RSRC1: variants seen among roughly 807,000 people sequenced by gnomAD.
The protein encoded by RSRC1 is arginine and serine rich coiled-coil 1, also known as serine/Arginine-related protein 53.
A neutral mutation model predicts 49.1 loss-of-function variants in RSRC1; 39 were observed. The observed-to-expected ratio is 0.79, with a 90% CI of 0.61 to 1.04. The LOEUF (loss-of-function observed/expected upper bound fraction) is 1.04. Ranked by LOEUF, RSRC1 falls within the 50% of genes least tolerant of loss-of-function variation. The probability of loss-of-function intolerance (pLI) is 0.00; values close to 1 mark genes in which losing one functional copy is unlikely to be tolerated. For synonymous variants in RSRC1, 143 were observed against 130.8 expected (o/e 1.09, Z -0.63); for missense variants, 388 against 402.4 (o/e 0.96, Z 0.31).
At chr3:158,275,754 G>A in intron 4 of RSRC1, 1 of 455,340 alleles carries the variant, frequency 2.2e-6, no homozygotes. Context: ...CCTGTAAGCA[G>A]ACATGACTGC....
intron 7 of RSRC1, among the ~76,000 whole-genome samples, chr3:158,510,793 A>G (rs949133679): frequency 2.0e-5 from 3 of 152,170 alleles, no homozygotes; most frequent in Admixed American, 1.3e-4. Context: ...CTTCATATCT[A>G]GTAAGACAAA....
intron 6 of RSRC1, among the ~76,000 whole-genome samples, chr3:158,387,662 A>G (rs1034060098): frequency 2.0e-5 from 3 of 152,164 alleles, no homozygotes; most frequent in Admixed American, 6.5e-5. Flanking sequence ...AATCCTTACA[A>G]GTATTGGTAT....
At chr3:158,525,131 G>A (rs576647445) in intron 7 of RSRC1, among the ~76,000 whole-genome samples, 1 of 151,840 alleles carries the variant, frequency 6.6e-6, no homozygotes, top group Non-Finnish European at 1.5e-5. Context: ...AAACAAAAAG[G>A]CAAGTCATAG....
At chr3:158,400,448 A>G (rs1469101737) in intron 6 of RSRC1, among the ~76,000 whole-genome samples, 5 of 152,106 alleles carry the variant, frequency 3.3e-5, no homozygotes, top group African/African-American at 4.8e-5. Flanking sequence ...AAGTAGCCTC[A>G]GGCAGGTTCT....
intron 6 of RSRC1, among the ~76,000 whole-genome samples, chr3:158,362,874 G>A (rs1291483906): frequency 6.6e-6 from 1 of 152,146 alleles, no homozygotes; most frequent in Admixed American, 6.5e-5. Flanking sequence ...AGTATGAGAA[G>A]ACAATACCTG....
intron 7 of RSRC1, among the ~76,000 whole-genome samples, chr3:158,523,623 CATT>C (rs1711831388): frequency 6.6e-6 from 1 of 151,948 alleles, no homozygotes; most frequent in South Asian, 2.1e-4. Flanking sequence ...GTCTTTTTTA[CATT>C]ATTAACTGAA....
intron 7 of RSRC1, among the ~76,000 whole-genome samples, chr3:158,494,988 GT>G (rs1210084513): frequency 6.6e-6 from 1 of 152,172 alleles, no homozygotes. Context: ...CAAGTATTAT[GT>G]GCTCTACATA....
At chr3:158,523,354 AAAGTT>A (rs1303228838) in intron 7 of RSRC1, among the ~76,000 whole-genome samples, 3 of 152,114 alleles carry the variant, frequency 2.0e-5, no homozygotes, top group Non-Finnish European at 4.4e-5. Context: ...TTTAAAAAGA[AAAGTT>A]AGATGTCTAT....
chr3:158,291,739 T>C (rs925382000), intron 4 of RSRC1, among the ~76,000 whole-genome samples: 2 of 152,222 alleles, frequency 1.3e-5, no homozygotes. Context: ...TGTGGCTCCT[T>C]AACCCGATTC....
At chr3:158,478,234 G>GT (rs200538118) in intron 7 of RSRC1, among the ~76,000 whole-genome samples, 40 of 149,502 alleles carry the variant, frequency 2.7e-4, no homozygotes, top group African/African-American at 6.1e-4. Flanking sequence ...AGGTTTTGGG[G>GT]TTTTTTTTTC....
chr3:158,143,321 C>G (rs1716866438), intron 3 of RSRC1, among the ~76,000 whole-genome samples: 4 of 152,096 alleles, frequency 2.6e-5, no homozygotes, highest in Admixed American at 2.6e-4. Context: ...GGCCTTTCCA[C>G]TTTTAAAGAA....
intron 7 of RSRC1, among the ~76,000 whole-genome samples, chr3:158,475,888 T>C (rs114880958): frequency 0.013 from 2,044 of 152,188 alleles, 58 homozygotes; most frequent in African/African-American, 0.047. Context: ...GTGACTAAGC[T>C]TAGTGAGGAA....
intron 6 of RSRC1, among the ~76,000 whole-genome samples, chr3:158,384,509 G>C (rs1732863858): frequency 6.6e-6 from 1 of 152,114 alleles, no homozygotes; most frequent in South Asian, 2.1e-4. Context: ...TAATCAGATA[G>C]ATTAATGAAT....
At chr3:158,323,234 GT>G (rs1728863765) in intron 5 of RSRC1, among the ~76,000 whole-genome samples, 1 of 152,070 alleles carries the variant, frequency 6.6e-6, no homozygotes, top group Non-Finnish European at 1.5e-5. Context: ...ATCTGCTGAT[GT>G]TTCAGCTTGG....
At chr3:158,411,493 A>G (rs1187074825) in intron 6 of RSRC1, among the ~76,000 whole-genome samples, 2 of 149,278 alleles carry the variant, frequency 1.3e-5, no homozygotes, top group Non-Finnish European at 3.0e-5. Context: ...AGCCAAACTT[A>G]TATCATTCTA....
chr3:158,440,894 A>T (rs889724607), intron 6 of RSRC1, among the ~76,000 whole-genome samples: 1 of 152,082 alleles, frequency 6.6e-6, no homozygotes, highest in Non-Finnish European at 1.5e-5. Flanking sequence ...GAGACCCGAG[A>T]TCACCCCATT....
chr3:158,478,034 AGAC>A (rs2108432051), intron 7 of RSRC1, among the ~76,000 whole-genome samples: 1 of 151,366 alleles, frequency 6.6e-6, no homozygotes, highest in East Asian at 1.9e-4. Flanking sequence ...ACTTCAGCCT[AGAC>A]GACAGAGTGA....
At chr3:158,365,621 T>A (rs537023654) in intron 6 of RSRC1, among the ~76,000 whole-genome samples, 36 of 152,332 alleles carry the variant, frequency 2.4e-4, no homozygotes, top group Admixed American at 2.3e-3. Context: ...TGTGCATGTG[T>A]CTTTATAGGA....
intron 6 of RSRC1, among the ~76,000 whole-genome samples, chr3:158,400,113 C>T (rs372192275): frequency 2.6e-5 from 4 of 152,084 alleles, no homozygotes; most frequent in African/African-American, 7.2e-5. Context: ...TACCACATAA[C>T]GATGTTTTTT....
Sources: allele counts gnomAD v4.1 joint callset (sites outside exome capture counted in the v4.1 genomes callset), GRCh38; gene constraint gnomAD v4.1.1; transcripts MANE v1.5; gene names NCBI Gene and HGNC (gene_info 2026-07-23, HGNC 2026-07-21).